Variants in ZNF599 observed in about 807,000 individuals in gnomAD.
The protein encoded by ZNF599 is zinc finger protein 599.
Under a neutral mutation model 11.7 loss-of-function variants are expected in ZNF599, and 10 were observed. The observed-to-expected ratio is 0.86, with a 90% CI of 0.53 to 1.45. ZNF599 has a LOEUF of 1.45. ZNF599 is among the 40% of genes most tolerant of loss of function. The probability of loss-of-function intolerance (pLI) is 0.00; values close to 1 mark genes in which losing one functional copy is unlikely to be tolerated. For missense variants in ZNF599, 688 were observed against 713.6 expected, an observed-to-expected ratio of 0.96 and a Z score of 0.41; for synonymous variants, 232 against 253.2, an observed-to-expected ratio of 0.92 and a Z score of 0.79.
Position 34,758,347 on chromosome 19 carries a change from TACATGTGC to T in ZNF599, c.*679_*686del, listed in dbSNP as rs1484306503. 6.6e-6 allele frequency: 1 copy of T among 152,232 alleles called. No homozygotes were observed. Among genetic ancestry groups the T allele is most frequent in the African/African-American group, 2.4e-5 (1 of 41,456 alleles). 9.4% of individuals were successfully genotyped at this position (152,232 alleles called of 1,614,324 possible). A position where few individuals can be genotyped will look rare whatever the true frequency, so the allele number is the denominator to read the frequency against. ...TTCACTGCATATAAATGTACATGTG[TACATGTGC>T]ACATGTGTTAAGTATTTCATGACTC... On this transcript the variant is annotated 3_prime_UTR_variant, in exon 4 of 4. Transcript: ENST00000329285.
the ZNF599 span, among the ~76,000 whole-genome samples, chr19:34,783,290 A>C: frequency 6.6e-6 from 1 of 152,376 alleles, no homozygotes; most frequent in Admixed American, 6.5e-5. Context: ...GGAGGCAGGA[A>C]GAGCAAAGAG....
chr19:34,759,404 A>G lies in ZNF599; in HGVS notation c.1397T>C (p.Phe466Ser). Residue 466 changes from phenylalanine (F) to serine (S), a missense_variant, in exon 4 of 4, where the codon TTT (phenylalanine) becomes TCT (serine). Coordinates refer to ENST00000329285, the MANE Select transcript of ZNF599 (RefSeq NM_001007248.3). ...ACTGTGGGTCCTATTATGTCGAATA[A>G]AAACAGAGTGGTGTGTAAAAGCCTT... ...CGKAFTHHSVFIRHNRTHSGQ... is the reference protein window; with the variant it reads ...CGKAFTHHSVSIRHNRTHSGQ... 6.2e-7 allele frequency: 1 copy of G among 1,614,182 alleles called. No individual in the cohort carries two copies.
the ZNF599 span, among the ~76,000 whole-genome samples, chr19:34,788,273 C>A: frequency 3.3e-5 from 5 of 152,174 alleles, no homozygotes; most frequent in African/African-American, 4.8e-5. Flanking sequence ...ACTCTTACTT[C>A]CTCTTTTCTG....
chr19:34,778,685 T>C, the ZNF599 span, among the ~76,000 whole-genome samples: 4 of 152,230 alleles, frequency 2.6e-5, no homozygotes, highest in Non-Finnish European at 4.4e-5. Context: ...AGCTTTACAT[T>C]GTAAACAGCA....
In ZNF599 at chr19:34,760,136, G is replaced by C; in HGVS notation, c.665C>G (p.Ala222Gly). ...ATTGCACTCATAGGGCTTCACTCCA[G>C]CATGAATCTGTTGATGCCGAACAAG... ...WALVRHQQIH[A>G]GVKPYECNEC... The change falls in exon 4 of 4, where the codon GCT becomes GGT. Residue 222 changes from alanine (A) to glycine (G), a missense_variant. Physicochemically the swap from Ala to Gly is moderately conservative, Grantham distance 60. Coordinates refer to ENST00000329285, the MANE Select transcript of ZNF599 (RefSeq NM_001007248.3). 1 of 1,614,152 alleles carries C rather than the reference G, an allele frequency of 6.2e-7. No homozygotes were observed. The highest frequency in any genetic ancestry group is 8.5e-7 in the Non-Finnish European group (1 of 1,180,020).
intron 3 of ZNF599, chr19:34,765,327 T>A: frequency 2.0e-6 from 1 of 509,690 alleles, no homozygotes; most frequent in Non-Finnish European, 3.5e-6. Flanking sequence ...TGTAATTTTA[T>A]AAGACTGGAA....
the ZNF599 span, among the ~76,000 whole-genome samples, chr19:34,800,582 C>CTTT: frequency 0.019 from 1,430 of 73,682 alleles, 35 homozygotes; most frequent in African/African-American, 0.063. Flanking sequence ...CTAGCATTTC[C>CTTT]TTTGTTTTTT....
At chr19:34,768,929 G>A (rs2069163382) in intron 2 of ZNF599, among the ~76,000 whole-genome samples, 1 of 152,222 alleles carries the variant, frequency 6.6e-6, no homozygotes. Flanking sequence ...TGTAGCAGCA[G>A]AGGAGCAAGG....
chr19:34,800,590 T>TG, the ZNF599 span, among the ~76,000 whole-genome samples: 1 of 145,750 alleles, frequency 6.9e-6, no homozygotes, highest in African/African-American at 2.5e-5. Context: ...TCCTTTGTTT[T>TG]TTTTTTTTTT....
At chr19:34,797,075 G>T in the ZNF599 span, among the ~76,000 whole-genome samples, 3 of 150,066 alleles carry the variant, frequency 2.0e-5, no homozygotes, top group East Asian at 4.0e-4. Flanking sequence ...TTGGTTTTTT[G>T]TCCTTGCGAT....
rs889430944 is a variant in ZNF599, at chr19:34,767,307, G to C, written c.241+9C>G. On this transcript the variant is annotated intron_variant, in intron 3 of 3. Transcript: ENST00000329285. ...CCTGATACCCGCTGCCAGACTCTCA[G>C]TCACCAACCTGCGCAGGTGCTTTGG... 2.5e-6 allele frequency: 4 copies of C among 1,612,900 alleles called. No homozygotes were observed. The African/African-American group carries it at 5.3e-5, about 22-fold the overall frequency.
At chr19:34,774,229 T>A (rs2069205677), upstream of ZNF599, among the ~76,000 whole-genome samples, 1 of 152,160 alleles carries the variant, frequency 6.6e-6, no homozygotes, top group Admixed American at 6.5e-5. Flanking sequence ...TAGTTTGTGA[T>A]GTAAGATGGC....
the ZNF599 span, among the ~76,000 whole-genome samples, chr19:34,802,427 T>G: frequency 6.6e-6 from 1 of 152,286 alleles, no homozygotes; most frequent in South Asian, 2.1e-4. Flanking sequence ...GAAAGGTATG[T>G]CCAGGCCCAA....
chr19:34,797,082 C>T, the ZNF599 span, among the ~76,000 whole-genome samples: 27 of 151,610 alleles, frequency 1.8e-4, no homozygotes, highest in African/African-American at 5.1e-4. Flanking sequence ...TTTGTCCTTG[C>T]GATAGTTTGC....
chr19:34,788,349 G>A, the ZNF599 span, among the ~76,000 whole-genome samples: 1 of 152,104 alleles, frequency 6.6e-6, no homozygotes, highest in East Asian at 1.9e-4. Context: ...CCTAACCTAA[G>A]ATCTGAAGGC....
At chr19:34,790,473 A>G in the ZNF599 span, among the ~76,000 whole-genome samples, 1 of 152,236 alleles carries the variant, frequency 6.6e-6, no homozygotes, top group Non-Finnish European at 1.5e-5. Flanking sequence ...AACAACATAG[A>G]TGACCCTGGA....
rs1447048980 is a variant in ZNF599, at chr19:34,769,452, G to T, written c.122C>A (p.Thr41Asn). 2.5e-6 allele frequency: 4 copies of T among 1,614,160 alleles called. No individual in the cohort carries two copies. The highest frequency in any genetic ancestry group is 3.4e-6 in the Non-Finnish European group (4 of 1,180,018). The change falls in exon 2 of 4, where the codon ACC (threonine) becomes AAC (asparagine). Residue 41 changes from threonine (T) to asparagine (N), a missense_variant. By Grantham distance (65) the Thr-to-Asn change is moderately conservative (BLOSUM62 0). Transcript: ENST00000329285. ...RTLYQEVMLE[T>N]CRLLVSLGHP... The stretch of plus-strand genomic sequence containing the variant: ...ACCCAGTGAGACCAGGAGCCTGCAG[G>T]TCTCCAGCATCACCTCCTGGTACAG...
chr19:34,772,617 C>T, intron 1 of ZNF599: 1 of 1,364,438 alleles, frequency 7.3e-7, no homozygotes, highest in Non-Finnish European at 9.4e-7. Context: ...GAGACAGGGA[C>T]CTCTCCTTAC....
At chr19:34,787,966 G>C in the ZNF599 span, among the ~76,000 whole-genome samples, 2 of 152,018 alleles carry the variant, frequency 1.3e-5, no homozygotes, top group African/African-American at 4.8e-5. Context: ...AAAAATACTT[G>C]GAAAAAATGG....
Sources: gnomAD v4.1 joint callset for allele counts (sites outside exome capture counted in the v4.1 genomes callset) on GRCh38, gnomAD v4.1.1 for gene constraint, MANE v1.5 for transcripts, NCBI Gene and HGNC (gene_info 2026-07-23, HGNC 2026-07-21) for gene names.